TMEM108: variants seen among roughly 807,000 people sequenced by gnomAD.
The protein encoded by TMEM108 is transmembrane protein 108, also known as cancer/testis antigen 124.
In TMEM108, 12 loss-of-function variants were observed where a neutral mutation model predicts 35.1. That is an observed-to-expected ratio of 0.34 (90% confidence interval 0.22 to 0.55). The LOEUF is 0.55. TMEM108 is among the 20% of genes least tolerant of loss of function. TMEM108 has a pLI of 0.89. For missense variants in TMEM108, 680 were observed against 753.3 expected (o/e 0.90, Z 1.14); for synonymous variants, 287 against 308.6 (o/e 0.93, Z 0.73).
At chr3:133,382,777 T>C (rs978066360) in intron 4 of TMEM108, among the ~76,000 whole-genome samples, 2 of 152,326 alleles carry the variant, frequency 1.3e-5, no homozygotes, top group East Asian at 1.9e-4. Context: ...ATGCGAACCA[T>C]GATTTCCACT....
chr3:133,260,663 G>T (rs988493752), intron 3 of TMEM108, among the ~76,000 whole-genome samples: 26 of 151,998 alleles, frequency 1.7e-4, no homozygotes, highest in African/African-American at 5.3e-4. Context: ...GAGCCCATTG[G>T]AAAATTCTAA....
At chr3:133,148,517 G>T (rs1394396790) in intron 2 of TMEM108, among the ~76,000 whole-genome samples, 1 of 152,112 alleles carries the variant, frequency 6.6e-6, no homozygotes, top group Non-Finnish European at 1.5e-5. Context: ...ATATCATTAT[G>T]CTTTCATTTA....
chr3:133,104,041 C>A (rs971556269), intron 2 of TMEM108, among the ~76,000 whole-genome samples: 2 of 152,042 alleles, frequency 1.3e-5, no homozygotes, highest in Non-Finnish European at 2.9e-5. Context: ...TAAATAATAT[C>A]ATTTCTGTCA....
intron 4 of TMEM108, among the ~76,000 whole-genome samples, chr3:133,384,809 T>C (rs1171750742): frequency 1.3e-5 from 2 of 152,188 alleles, no homozygotes; most frequent in Non-Finnish European, 2.9e-5. Context: ...TGATGTCCAT[T>C]TTTGAAAATG....
chr3:133,334,333 C>CA lies in TMEM108; in HGVS notation c.41-45413dup, dbSNP rs532855211. The stretch of plus-strand genomic sequence containing the variant: ...ACCCATAAATAGTTATTATTTAAGA[C>CA]AAAAAACGAGACCCAGTAAGACTGA... On this transcript the variant is annotated intron_variant, in intron 3 of 5. Transcript: ENST00000321871. Among the ~76,000 whole-genome samples, 339 of 152,198 alleles carry CA rather than the reference C, an allele frequency of 2.2e-3. 2 individuals are homozygous for CA. In the Middle Eastern group the frequency reaches 0.037, roughly 17 times the overall value.
chr3:133,063,298 T>G (rs1477720035), intron 2 of TMEM108, among the ~76,000 whole-genome samples: 1 of 152,096 alleles, frequency 6.6e-6, no homozygotes, highest in Non-Finnish European at 1.5e-5. Flanking sequence ...GGAACCCAGA[T>G]CTTCCCAGAA....
chr3:133,232,886 T>A (rs1279184827), intron 3 of TMEM108, among the ~76,000 whole-genome samples: 1 of 152,220 alleles, frequency 6.6e-6, no homozygotes, highest in South Asian at 2.1e-4. Context: ...TGAGAGCCTT[T>A]ATGGTTATAT....
intron 2 of TMEM108, among the ~76,000 whole-genome samples, chr3:133,137,186 T>C (rs1178003702): frequency 6.6e-6 from 1 of 152,180 alleles, no homozygotes; most frequent in Non-Finnish European, 1.5e-5. Context: ...CTAGGCATTG[T>C]ACCTAAATTA....
intron 2 of TMEM108, among the ~76,000 whole-genome samples, chr3:133,082,226 G>A (rs1031502924): frequency 6.6e-6 from 1 of 152,200 alleles, no homozygotes; most frequent in African/African-American, 2.4e-5. Flanking sequence ...GGCTTCTCTG[G>A]AGTTTACAGT....
At chr3:133,245,556 A>AT (rs894979843) in intron 3 of TMEM108, among the ~76,000 whole-genome samples, 2 of 152,074 alleles carry the variant, frequency 1.3e-5, no homozygotes, top group African/African-American at 2.4e-5. Flanking sequence ...AAATTATACA[A>AT]TTTTTTTTGT....
At chr3:133,295,107 C>A (rs970489668) in intron 3 of TMEM108, among the ~76,000 whole-genome samples, 1 of 152,264 alleles carries the variant, frequency 6.6e-6, no homozygotes, top group Admixed American at 6.5e-5. Context: ...TGAGATGCTG[C>A]AGTCACATAT....
At chr3:133,347,343 T>A (rs369864983) in intron 3 of TMEM108, among the ~76,000 whole-genome samples, 14 of 152,126 alleles carry the variant, frequency 9.2e-5, no homozygotes, top group African/African-American at 3.1e-4. Flanking sequence ...CACATACAGA[T>A]CTTGTACATA....
intron 2 of TMEM108, among the ~76,000 whole-genome samples, chr3:133,190,185 G>A (rs1945478490): frequency 6.6e-6 from 1 of 152,106 alleles, no homozygotes; most frequent in South Asian, 2.1e-4. Context: ...TTTAAGAATT[G>A]CAATTTTGTG....
At chr3:133,253,407 C>T (rs531117501) in intron 3 of TMEM108, 6 of 152,236 alleles carry the variant, frequency 3.9e-5, no homozygotes, top group African/African-American at 1.4e-4. Context: ...TTCAACTCTT[C>T]CTAGTCTCTG....
chr3:133,114,855 G>A (rs751622717), intron 2 of TMEM108, among the ~76,000 whole-genome samples: 8 of 152,070 alleles, frequency 5.3e-5, no homozygotes, highest in Non-Finnish European at 8.8e-5. Flanking sequence ...TGTATTACTC[G>A]AGATGCAAGG....
chr3:133,237,946 A>G (rs58117673), intron 3 of TMEM108, among the ~76,000 whole-genome samples: 1,832 of 152,282 alleles, frequency 0.012, 42 homozygotes, highest in African/African-American at 0.04. Context: ...GGAGTCCTCA[A>G]TAAATTTTAA....
At chr3:133,292,201 G>A (rs1947079861) in intron 3 of TMEM108, among the ~76,000 whole-genome samples, 1 of 152,190 alleles carries the variant, frequency 6.6e-6, no homozygotes, top group African/African-American at 2.4e-5. Flanking sequence ...AATGCCATGT[G>A]TGCAAGTATG....
chr3:133,241,140 AAG>A (rs34619341), intron 3 of TMEM108, among the ~76,000 whole-genome samples: 36,491 of 152,064 alleles, frequency 0.24, 5,861 homozygotes, highest in African/African-American at 0.46. Flanking sequence ...TAAATGAAAA[AAG>A]AGTTTTTTCC....
intron 3 of TMEM108, among the ~76,000 whole-genome samples, chr3:133,328,924 C>T (rs759709522): frequency 2.0e-5 from 3 of 152,142 alleles, no homozygotes; most frequent in Non-Finnish European, 2.9e-5. Context: ...TCACTGCTCT[C>T]TTTTCAGTCT....
Sources: allele counts gnomAD v4.1 joint callset (sites outside exome capture counted in the v4.1 genomes callset), GRCh38; gene constraint gnomAD v4.1.1; transcripts MANE v1.5; gene names NCBI Gene and HGNC (gene_info 2026-07-23, HGNC 2026-07-21).